GRIN2B: variants seen among roughly 807,000 people sequenced by gnomAD.
GRIN2B encodes the protein glutamate receptor ionotropic, NMDA 2B.
In GRIN2B, 5 loss-of-function variants were observed where a neutral mutation model predicts 114.5. The observed-to-expected ratio is 0.04, with a 90% CI of 0.02 to 0.09. GRIN2B has a LOEUF of 0.09. Among genes scored for constraint, GRIN2B ranks in the 10% least tolerant of loss-of-function variants. The pLI, the probability that GRIN2B is intolerant of heterozygous loss-of-function variation, is 1.00. For synonymous variants in GRIN2B, 787 were observed against 745.1 expected (o/e 1.06, Z -0.92); for missense variants, 1,108 against 1,943.5 (o/e 0.57, Z 8.08).
In GRIN2B at chr12:13,562,637, C is replaced by A; in HGVS notation, c.*146G>T. 1 of 745,066 alleles carries A rather than the reference C, an allele frequency of 1.3e-6. No individual in the cohort carries two copies. The highest frequency in any genetic ancestry group is 2.3e-6 in the Non-Finnish European group (1 of 426,444). The allele number at this position is 745,066 out of a possible 1,614,324, so 46.2% of individuals were successfully genotyped here. A position where few individuals can be genotyped will look rare whatever the true frequency, so the allele number is the denominator to read the frequency against. The stretch of plus-strand genomic sequence containing the variant: ...CACCAGGGTTGCCCCCAGTAGGAAC[C>A]AGAACTCCAGGATCCCATAAATAAA... On this transcript the variant is annotated 3_prime_UTR_variant, in exon 14 of 14. Transcript: ENST00000609686.
intron 10 of GRIN2B, among the ~76,000 whole-genome samples, chr12:13,586,301 T>C (rs1398934210): frequency 6.6e-6 from 1 of 152,238 alleles, no homozygotes; most frequent in African/African-American, 2.4e-5. Context: ...GAAACTGTCA[T>C]TACTTTTAAT....
intron 3 of GRIN2B, among the ~76,000 whole-genome samples, chr12:13,760,346 C>A (rs888933289): frequency 6.6e-6 from 1 of 152,176 alleles, no homozygotes; most frequent in Admixed American, 6.5e-5. Flanking sequence ...TAAATGGGGT[C>A]ATGGATGCTG....
chr12:13,707,565 G>C (rs560361833), intron 4 of GRIN2B, among the ~76,000 whole-genome samples: 3 of 152,188 alleles, frequency 2.0e-5, no homozygotes, highest in Non-Finnish European at 4.4e-5. Context: ...AAGTTAAACA[G>C]TGTTATATCA....
At chr12:13,940,388 C>T (rs566772628) in intron 2 of GRIN2B, among the ~76,000 whole-genome samples, 1 of 152,002 alleles carries the variant, frequency 6.6e-6, no homozygotes, top group Admixed American at 6.6e-5. Context: ...TATTCCCCAG[C>T]GGTTTTTATT....
intron 10 of GRIN2B, among the ~76,000 whole-genome samples, chr12:13,590,931 G>C (rs966160244): frequency 6.6e-6 from 1 of 152,120 alleles, no homozygotes; most frequent in Admixed American, 6.5e-5. Flanking sequence ...ATTCAGAAAT[G>C]CTCACTGAGC....
intron 2 of GRIN2B, among the ~76,000 whole-genome samples, chr12:13,909,750 A>T (rs1232995950): frequency 6.6e-6 from 1 of 152,230 alleles, no homozygotes; most frequent in Non-Finnish European, 1.5e-5. Context: ...GGTAAATGTG[A>T]CGAGGAAGTA....
chr12:13,866,306 T>G, intron 2 of GRIN2B, 80 bp from the exon 3 acceptor site: 1 of 1,216,812 alleles, frequency 8.2e-7, no homozygotes, highest in Non-Finnish European at 1.2e-6. Flanking sequence ...ATACTGCAAT[T>G]CAAGGACCTT....
chr12:13,855,610 A>G lies in GRIN2B; in HGVS notation c.411+10188T>C, dbSNP rs186520993. Among the ~76,000 whole-genome samples, 440 of 152,060 alleles carry G rather than the reference A, an allele frequency of 2.9e-3. 2 individuals carry two copies. The highest frequency in any genetic ancestry group is 0.01 in the Middle Eastern group (3 of 294). On this transcript the variant is annotated intron_variant, in intron 3 of 13. Coordinates refer to ENST00000609686, the MANE Select transcript of GRIN2B (RefSeq NM_000834.5). ...TTTCCTAGCTTGTAGCTCAACAACT[A>G]CCACCTCTATCTCTCTTTATATGGG...
At chr12:13,629,289 C>A (rs1949598372) in intron 5 of GRIN2B, among the ~76,000 whole-genome samples, 1 of 152,170 alleles carries the variant, frequency 6.6e-6, no homozygotes, top group Admixed American at 6.5e-5. Flanking sequence ...AGACTATAGG[C>A]TCCCAAACTA....
At chr12:13,841,576 G>C (rs780340023) in intron 3 of GRIN2B, among the ~76,000 whole-genome samples, 1 of 152,070 alleles carries the variant, frequency 6.6e-6, no homozygotes, top group Non-Finnish European at 1.5e-5. Flanking sequence ...GCCCTTACCT[G>C]TCAGGCTCTA....
At chr12:13,896,212 C>G (rs571717472) in intron 2 of GRIN2B, among the ~76,000 whole-genome samples, 25 of 152,244 alleles carry the variant, frequency 1.6e-4, no homozygotes, top group African/African-American at 5.8e-4. Context: ...AAGCTGAGAA[C>G]AGCAGGATCA....
chr12:13,541,008 A>C lies in GRIN2B; in HGVS notation c.*21775T>G, dbSNP rs1373968636. 1 of 152,254 alleles carries C rather than the reference A, an allele frequency of 6.6e-6. No homozygotes were observed. The highest frequency in any genetic ancestry group is 1.9e-4 in the East Asian group (1 of 5,192). 9.4% of individuals were successfully genotyped at this position (152,254 alleles called of 1,614,324 possible). On this transcript the variant is annotated 3_prime_UTR_variant, in exon 14 of 14. Coordinates refer to ENST00000609686, the MANE Select transcript of GRIN2B (RefSeq NM_000834.5). The stretch of plus-strand genomic sequence containing the variant: ...CATGTTTCCATCATCACCCCCTTAC[A>C]CACGTGCGCTCACACACACGCTCAC...
chr12:13,795,553 T>C (rs1197754513), intron 3 of GRIN2B, among the ~76,000 whole-genome samples: 1 of 152,194 alleles, frequency 6.6e-6, no homozygotes, highest in Admixed American at 6.5e-5. Context: ...TGCATAGAAA[T>C]ACCATTTGAC....
rs546561434 is a variant in GRIN2B, at chr12:13,592,441, C to G, written c.2010+16162G>C. Among the ~76,000 whole-genome samples, 4 of 152,312 alleles carry G rather than the reference C, an allele frequency of 2.6e-5. No homozygotes were observed. In the South Asian group the frequency reaches 8.3e-4, roughly 32 times the overall value. On this transcript the variant is annotated intron_variant, in intron 10 of 13. Coordinates refer to ENST00000609686, the MANE Select transcript of GRIN2B (RefSeq NM_000834.5). ...TGCATCTTGGCAGACAGGCTTCTCT[C>G]TGCTGTACTGCCTGTTGCACTCTTG...
chr12:13,799,995 C>A (rs1344124751), intron 3 of GRIN2B, among the ~76,000 whole-genome samples: 1 of 152,090 alleles, frequency 6.6e-6, no homozygotes, highest in East Asian at 1.9e-4. Context: ...CAATACCAGC[C>A]ATTCTTCAGT....
chr12:13,659,780 A>T (rs1949902736), intron 5 of GRIN2B, among the ~76,000 whole-genome samples: 1 of 151,970 alleles, frequency 6.6e-6, no homozygotes, highest in South Asian at 2.1e-4. Context: ...TCTTCTCAAA[A>T]CCCTTCCTGA....
At chr12:13,712,460 A>G (rs1950423496) in intron 4 of GRIN2B, among the ~76,000 whole-genome samples, 1 of 151,928 alleles carries the variant, frequency 6.6e-6, no homozygotes, top group Non-Finnish European at 1.5e-5. Context: ...ATAAATCAAA[A>G]CAGTGGTCGC....
At chr12:13,730,386 T>C (rs1326751970) in intron 4 of GRIN2B, among the ~76,000 whole-genome samples, 1 of 151,792 alleles carries the variant, frequency 6.6e-6, no homozygotes, top group African/African-American at 2.4e-5. Flanking sequence ...ACAAGCTGAC[T>C]GTGTTTTGGT....
At position 13,766,785 on chromosome 12, in the gene GRIN2B, T is replaced by C. The variant is rs112791164; in HGVS notation, c.412-12870A>G. Among the ~76,000 whole-genome samples the C allele has an allele frequency of 2.6e-3, 400 of 152,374 alleles. 3 individuals carry two copies. Among genetic ancestry groups the C allele is most frequent in the African/African-American group, 9.2e-3 (382 of 41,594 alleles). ...TTCAGAAAAGCTGGGGGAATGATAA[T>C]TCCTCATCTCTTCTCTTCTCTCAGT... On this transcript the variant is annotated intron_variant, in intron 3 of 13. Transcript: ENST00000609686.
Sources: gnomAD v4.1 joint callset for allele counts (sites outside exome capture counted in the v4.1 genomes callset) on GRCh38, gnomAD v4.1.1 for gene constraint, MANE v1.5 for transcripts, NCBI Gene and HGNC (gene_info 2026-07-23, HGNC 2026-07-21) for gene names.